Variants in LRCH3 observed in about 807,000 individuals in gnomAD.
LRCH3 encodes the protein DISP complex protein LRCH3.
In LRCH3, 68 loss-of-function variants were observed where a neutral mutation model predicts 104.5. The ratio of observed to expected loss-of-function variants is 0.65; its 90% CI spans 0.54 to 0.80. The LOEUF (loss-of-function observed/expected upper bound fraction) is 0.80, where lower values mean the gene tolerates loss of function less well. Ranked by LOEUF, LRCH3 falls within the 30% of genes least tolerant of loss-of-function variation. The probability of loss-of-function intolerance (pLI) is 0.00; values close to 1 mark genes in which losing one functional copy is unlikely to be tolerated. For missense variants in LRCH3, 951 were observed against 953.9 expected (o/e 1.00, Z 0.04); for synonymous variants, 344 against 361.3 (o/e 0.95, Z 0.54).
chr3:197,816,816 C>G (rs904416015), intron 2 of LRCH3, among the ~76,000 whole-genome samples: 1 of 151,896 alleles, frequency 6.6e-6, no homozygotes, highest in African/African-American at 2.4e-5. Context: ...TGATATTATC[C>G]ACCTTTTAAA....
chr3:197,820,357 T>G lies in LRCH3; in HGVS notation c.567T>G (p.Pro189=). 6.2e-7 allele frequency: 1 copy of G among 1,613,086 alleles called. No homozygotes were observed. Among genetic ancestry groups the G allele is most frequent in the Non-Finnish European group, 8.5e-7 (1 of 1,179,060 alleles). ...GCTGCAATGAAATTCAAACTATACC[T>G]TCCCAAATTGGTAACCTGGAGGCCT... The part of the protein sequence containing the change: ...DVSCNEIQTI[P]SQIGNLEALR... The change falls in exon 4 of 21, where the codon CCT becomes CCG. Residue 189 remains proline, a synonymous_variant. Transcript: ENST00000425562.
At chr3:197,865,874 TATG>T (rs1177391650) in intron 16 of LRCH3, among the ~76,000 whole-genome samples, 1 of 152,002 alleles carries the variant, frequency 6.6e-6, no homozygotes, top group Non-Finnish European at 1.5e-5. Context: ...GACTGTTCAA[TATG>T]ATAACATTCA....
intron 1 of LRCH3, among the ~76,000 whole-genome samples, chr3:197,813,001 A>G (rs1733364005): frequency 6.6e-6 from 1 of 152,174 alleles, no homozygotes; most frequent in Admixed American, 6.6e-5. Context: ...CAAAGGTTCC[A>G]ATTTCTCCAC....
chr3:197,820,482 A>G (rs1443392361), intron 4 of LRCH3, 52 bp downstream of exon 4: 1 of 1,258,070 alleles, frequency 7.9e-7, no homozygotes, highest in South Asian at 1.2e-5. Context: ...ATTATTTTAA[A>G]GCTCTCTCAG....
chr3:197,880,711 GC>G, intron 20 of LRCH3: 2 of 1,536,614 alleles, frequency 1.3e-6, no homozygotes, highest in Non-Finnish European at 1.7e-6. Context: ...TTCCCCGCTC[GC>G]TGAAAGATTG....
chr3:197,848,271 C>G (rs1739056718), intron 12 of LRCH3: 1 of 409,132 alleles, frequency 2.4e-6, no homozygotes, highest in African/African-American at 2.0e-5. Flanking sequence ...TCCTCAATTT[C>G]TAGTGTCATA....
intron 1 of LRCH3, among the ~76,000 whole-genome samples, chr3:197,793,161 T>C (rs964041440): frequency 6.6e-6 from 1 of 152,332 alleles, no homozygotes; most frequent in South Asian, 2.1e-4. Flanking sequence ...CATTAAAAAT[T>C]TATAAGTATT....
intron 17 of LRCH3, among the ~76,000 whole-genome samples, chr3:197,868,817 C>T (rs371401811): frequency 1.3e-5 from 2 of 152,130 alleles, no homozygotes; most frequent in South Asian, 2.1e-4. Flanking sequence ...AGTCAGGGTG[C>T]GGTTTTGAGC....
chr3:197,793,599 T>A (rs1452967187), intron 1 of LRCH3, among the ~76,000 whole-genome samples: 1 of 152,208 alleles, frequency 6.6e-6, no homozygotes, highest in African/African-American at 2.4e-5. Flanking sequence ...TGTTGAGTCC[T>A]TAAATATTTT....
In LRCH3 at chr3:197,827,002, A is replaced by C; in HGVS notation, c.765A>C (p.Ser255=). ...TITLDNNPLQ[S]PPAQICIKGK... is the part of the protein sequence containing the mutation. ...CCCTAGATAACAATCCACTACAATC[A>C]CCTCCTGCACAGGTAAACCATAGTG... is the stretch of plus-strand genomic sequence containing the variant. Residue 255 remains serine (S), a synonymous_variant, in exon 5 of 21, where the codon TCA becomes TCC. Transcript: ENST00000425562. The C allele has an allele frequency of 6.2e-7, 1 of 1,613,568 alleles. No homozygotes were observed.
chr3:197,875,531 A>G (rs1712787159), intron 19 of LRCH3, among the ~76,000 whole-genome samples, 167 bp from the exon 20 acceptor site: 1 of 152,022 alleles, frequency 6.6e-6, no homozygotes, highest in African/African-American at 2.4e-5. Flanking sequence ...GCATGCAACT[A>G]TAGTCCCAGC....
intron 10 of LRCH3, among the ~76,000 whole-genome samples, chr3:197,839,762 T>C (rs1455829148): frequency 1.3e-5 from 2 of 152,084 alleles, no homozygotes; most frequent in Non-Finnish European, 2.9e-5. Context: ...GGAGGCTTGC[T>C]TGAGCCCAGG....
At chr3:197,848,205 T>C in intron 12 of LRCH3, 184 bp downstream of exon 12, 2 of 575,998 alleles carry the variant, frequency 3.5e-6, no homozygotes, top group Admixed American at 3.4e-5. Flanking sequence ...CAAGTGATTA[T>C]CTTGTTAACG....
In LRCH3 at chr3:197,798,078, A is replaced by G. The variant is rs78742032; in HGVS notation, c.262+6538A>G. On this transcript the variant is annotated intron_variant, in intron 1 of 20. Coordinates refer to ENST00000425562, the MANE Select transcript of LRCH3 (RefSeq NM_001365715.1). ...GGAGATGGAGACCAGCCTGGGCAACATCGCAAACCTCGTCTCTTAAAAAAA... is the reference window on the plus strand; with the variant it reads ...GGAGATGGAGACCAGCCTGGGCAACGTCGCAAACCTCGTCTCTTAAAAAAA... Among the ~76,000 whole-genome samples the G allele has an allele frequency of 1.9e-3, 293 of 152,090 alleles. 1 individual carries two copies. Among genetic ancestry groups the G allele is most frequent in the East Asian group, 9.9e-3 (51 of 5,172 alleles).
At chr3:197,813,582 G>A (rs1038658032) in intron 1 of LRCH3, among the ~76,000 whole-genome samples, 2 of 125,108 alleles carry the variant, frequency 1.6e-5, no homozygotes, top group African/African-American at 6.0e-5. Context: ...CCAGGCTGGA[G>A]TACAGTGGCT....
At chr3:197,851,854 A>C (rs755224995) in intron 12 of LRCH3, among the ~76,000 whole-genome samples, 3 of 152,204 alleles carry the variant, frequency 2.0e-5, no homozygotes, top group Non-Finnish European at 4.4e-5. Flanking sequence ...TGGAGGCTGA[A>C]AGATGGTTTC....
chr3:197,817,571 G>A (rs1444144737), intron 3 of LRCH3, among the ~76,000 whole-genome samples: 1 of 151,092 alleles, frequency 6.6e-6, no homozygotes, highest in African/African-American at 2.4e-5. Flanking sequence ...CCACACAGAT[G>A]GGAAAAGGTC....
At chr3:197,834,432 T>C (rs985124503) in intron 8 of LRCH3, among the ~76,000 whole-genome samples, 15 of 152,240 alleles carry the variant, frequency 9.9e-5, no homozygotes, top group Non-Finnish European at 2.2e-4. Flanking sequence ...ACAATCTTTG[T>C]TCTGATCTTT....
At position 197,873,743 on chromosome 3, in the gene LRCH3, C is replaced by A. The variant is rs116476403; in HGVS notation, c.2131-1955C>A. Among the ~76,000 whole-genome samples, 609 of 152,166 alleles carry A rather than the reference C, an allele frequency of 4.0e-3. 4 individuals are homozygous for A. The highest frequency in any genetic ancestry group is 0.014 in the African/African-American group (568 of 41,522). Reference sequence around the variant, plus strand: ...CTGACCCTAAAAAAGAAAGAAAGGGCCAGGCACAGTGGCTCTTGCCTGTAA... The same window carrying A: ...CTGACCCTAAAAAAGAAAGAAAGGGACAGGCACAGTGGCTCTTGCCTGTAA... On this transcript the variant is annotated intron_variant, in intron 19 of 20. Transcript: ENST00000425562.
Sources: allele counts gnomAD v4.1 joint callset (sites outside exome capture counted in the v4.1 genomes callset), GRCh38; gene constraint gnomAD v4.1.1; transcripts MANE v1.5; gene names NCBI Gene and HGNC (gene_info 2026-07-23, HGNC 2026-07-21).